PIP4K2B: variants seen among roughly 807,000 people sequenced by gnomAD.
PIP4K2B encodes phosphatidylinositol-5-phosphate 4-kinase type 2 beta, also known as phosphatidylinositol 5-phosphate 4-kinase type-2 beta.
Under a neutral mutation model 42.0 loss-of-function variants are expected in PIP4K2B, and 3 were observed. That is an observed-to-expected ratio of 0.07 (90% CI 0.03 to 0.18). The LOEUF is 0.18. PIP4K2B is among the 10% of genes least tolerant of loss of function. The pLI, the probability that PIP4K2B is intolerant of heterozygous loss-of-function variation, is 1.00. For synonymous variants in PIP4K2B, 204 were observed against 210.1 expected (o/e 0.97, Z 0.25); for missense variants, 332 against 562.3 (o/e 0.59, Z 4.14).
chr17:38,794,398 T>C (rs960543317), intron 1 of PIP4K2B, among the ~76,000 whole-genome samples: 1 of 151,680 alleles, frequency 6.6e-6, no homozygotes, highest in Non-Finnish European at 1.5e-5. Flanking sequence ...AGAGCTGCAC[T>C]ATGACACTGT....
chr17:38,771,359 C>G, intron 7 of PIP4K2B, 87 bp from the exon 8 acceptor site: 1 of 1,437,102 alleles, frequency 7.0e-7, no homozygotes, highest in Non-Finnish European at 9.6e-7. Flanking sequence ...GAAAGGCATT[C>G]CTTTCAACTC....
At chr17:38,779,654 C>T (rs1909587679) in intron 4 of PIP4K2B, 125 bp from the exon 5 acceptor site, 1 of 779,800 alleles carries the variant, frequency 1.3e-6, no homozygotes, top group Non-Finnish European at 2.1e-6. Flanking sequence ...AGTAGTTCTC[C>T]AGCTGGGTTC....
intron 7 of PIP4K2B, 69 bp from the exon 8 acceptor site, chr17:38,771,341 A>G: frequency 1.3e-6 from 2 of 1,531,564 alleles, no homozygotes; most frequent in Middle Eastern, 3.4e-4. Flanking sequence ...TGACATCCAG[A>G]AAGGGGGGAA....
intron 1 of PIP4K2B, among the ~76,000 whole-genome samples, chr17:38,794,936 C>T (rs1487544450): frequency 1.3e-5 from 2 of 151,444 alleles, no homozygotes; most frequent in Non-Finnish European, 2.9e-5. Context: ...CCTGTCTCTA[C>T]TAAAAATACA....
chr17:38,797,911 C>T lies in PIP4K2B; in HGVS notation c.159+1355G>A, dbSNP rs141437103. Among the ~76,000 whole-genome samples, 27 of 152,300 alleles carry T rather than the reference C, an allele frequency of 1.8e-4. No individual in the cohort carries two copies. In the East Asian group the frequency reaches 2.3e-3, roughly 13 times the overall value. On this transcript the variant is annotated intron_variant, in intron 1 of 9. Transcript: ENST00000619039. ...GTCTGGGCATTATACCACTGGTACT[C>T]GCTATCCTGGCAGGACCCTCACTAA... is the stretch of plus-strand genomic sequence containing the variant.
chr17:38,793,183 C>T (rs1253969539), intron 1 of PIP4K2B, among the ~76,000 whole-genome samples: 5 of 151,962 alleles, frequency 3.3e-5, no homozygotes, highest in South Asian at 2.1e-4. Flanking sequence ...CCTGCCTCGG[C>T]CTCCCAAAGT....
At chr17:38,785,872 G>A (rs558322055) in intron 2 of PIP4K2B, among the ~76,000 whole-genome samples, 23 of 152,312 alleles carry the variant, frequency 1.5e-4, no homozygotes, top group Admixed American at 6.5e-4. Context: ...GGACCTCTGA[G>A]TCAGAACAAC....
At chr17:38,773,708 T>A (rs539106186) in intron 7 of PIP4K2B, among the ~76,000 whole-genome samples, 1 of 152,036 alleles carries the variant, frequency 6.6e-6, no homozygotes, top group East Asian at 1.9e-4. Context: ...CAAGGAGCCC[T>A]AAAGATGGGA....
Position 38,769,369 on chromosome 17 carries a change from T to G in PIP4K2B, c.*322A>C. On this transcript the variant is annotated 3_prime_UTR_variant, in exon 10 of 10. Transcript: ENST00000619039. ...AAACCCAAATAAACCCACGAAGTCA[T>G]CTCTAGCCCCAAGGTATCTTAAAAG... 1 of 318,056 alleles carries G rather than the reference T, an allele frequency of 3.1e-6. No homozygotes were observed. The highest frequency in any genetic ancestry group is 5.8e-6 in the Non-Finnish European group (1 of 173,438). The allele number at this position is 318,056 out of a possible 1,614,324, so 19.7% of individuals were successfully genotyped here.
At chr17:38,782,433 C>T (rs1035856663) in intron 3 of PIP4K2B, among the ~76,000 whole-genome samples, 1 of 152,232 alleles carries the variant, frequency 6.6e-6, no homozygotes, top group Admixed American at 6.5e-5. Flanking sequence ...GAACCCCTCA[C>T]TTGCAACCCC....
intron 5 of PIP4K2B, among the ~76,000 whole-genome samples, chr17:38,778,597 C>T (rs1909501381): frequency 6.6e-6 from 1 of 152,234 alleles, no homozygotes; most frequent in Non-Finnish European, 1.5e-5. Flanking sequence ...GAAGCTCAGT[C>T]CCTGCCCTTG....
intron 7 of PIP4K2B, among the ~76,000 whole-genome samples, chr17:38,772,500 A>C (rs529785908): frequency 1.3e-5 from 2 of 152,320 alleles, no homozygotes; most frequent in South Asian, 4.1e-4. Flanking sequence ...CTTGTATTCA[A>C]GTAACCCATA....
chr17:38,799,448 C>A lies in PIP4K2B; in HGVS notation c.-24G>T. The stretch of plus-strand genomic sequence containing the variant: ...ATGCCCGGGGCGGCGGCGGCGGCGG[C>A]GAAAGAGGGGGGCGGCGGAGACAGC... On this transcript the variant is annotated 5_prime_UTR_variant, in exon 1 of 10. Coordinates refer to ENST00000619039, the MANE Select transcript of PIP4K2B (RefSeq NM_003559.5). The surrounding 1 kb of genome is among the most constrained non-coding windows in gnomAD (Gnocchi z 4.4). 1 of 1,549,730 alleles carries A rather than the reference C, an allele frequency of 6.5e-7. No homozygotes were observed. The highest frequency in any genetic ancestry group is 8.6e-7 in the Non-Finnish European group (1 of 1,156,232).
intron 3 of PIP4K2B, 146 bp from the exon 4 acceptor site, chr17:38,780,750 T>C (rs900889850): frequency 3.1e-5 from 21 of 678,144 alleles, no homozygotes; most frequent in Middle Eastern, 8.5e-4. Context: ...CCTCCCCTTT[T>C]CTCACAGGGT....
chr17:38,793,468 T>G (rs1325212987), intron 1 of PIP4K2B, among the ~76,000 whole-genome samples: 1 of 152,058 alleles, frequency 6.6e-6, no homozygotes, highest in Non-Finnish European at 1.5e-5. Flanking sequence ...GGTCTTGAAC[T>G]CCTGACCTCA....
intron 9 of PIP4K2B, among the ~76,000 whole-genome samples, chr17:38,770,146 T>C (rs563525199): frequency 2.0e-5 from 3 of 152,232 alleles, no homozygotes; most frequent in Admixed American, 2.0e-4. Flanking sequence ...TTCAACAAGA[T>C]GCACAACAGG....
At position 38,767,352 on chromosome 17, in the gene PIP4K2B, C is replaced by T. The variant is rs780487600; in HGVS notation, c.*2339G>A. 4.0e-5 allele frequency: 6 copies of T among 151,804 alleles called. No individual in the cohort carries two copies. The highest frequency in any genetic ancestry group is 7.4e-5 in the Non-Finnish European group (5 of 67,980). 9.4% of individuals were successfully genotyped at this position (151,804 alleles called of 1,614,324 possible). ...TGAATGCCAAAAATTGGGGGCCAAA[C>T]TCAAGGTTTTGAAGATAGCACAGCG... On this transcript the variant is annotated 3_prime_UTR_variant, in exon 10 of 10. Transcript: ENST00000619039.
intron 1 of PIP4K2B, 71 bp from the exon 2 acceptor site, chr17:38,786,991 T>A: frequency 1.1e-6 from 1 of 945,256 alleles, no homozygotes. Context: ...AGCTACAATG[T>A]GGATGCCACA....
rs988125933 is a variant in PIP4K2B, at chr17:38,799,068, C to T, written c.159+198G>A. ...AAGGGGAGGTGGCGACGGCAGACCACAGAGACACCAGGCCTCGCGTGGCGT... is the reference window on the plus strand; with the variant it reads ...AAGGGGAGGTGGCGACGGCAGACCATAGAGACACCAGGCCTCGCGTGGCGT... On this transcript the variant is annotated intron_variant, in intron 1 of 9. Transcript: ENST00000619039. The surrounding 1 kb of genome is among the most constrained non-coding windows in gnomAD (Gnocchi z 4.4). 2.6e-5 allele frequency among the ~76,000 whole-genome samples: 4 copies of T among 152,154 alleles called. No individual in the cohort carries two copies. Among genetic ancestry groups the T allele is most frequent in the Non-Finnish European group, 4.4e-5 (3 of 68,020 alleles).
Sources: gnomAD v4.1 joint callset for allele counts (sites outside exome capture counted in the v4.1 genomes callset) on GRCh38, gnomAD v4.1.1 for gene constraint, Gnocchi (gnomAD v3.1) non-coding constraint, MANE v1.5 for transcripts, NCBI Gene and HGNC (gene_info 2026-07-23, HGNC 2026-07-21) for gene names.